ANGPT2: variants seen among roughly 807,000 people sequenced by gnomAD.
ANGPT2 encodes the protein angiopoietin 2.
Under a neutral mutation model 62.9 loss-of-function variants are expected in ANGPT2, and 28 were observed. The observed-to-expected ratio is 0.44, with a 90% CI of 0.33 to 0.61. The LOEUF is 0.61. Ranked by LOEUF, ANGPT2 falls within the 20% of genes least tolerant of loss-of-function variation. The probability of loss-of-function intolerance (pLI) is 0.03; values close to 1 mark genes in which losing one functional copy is unlikely to be tolerated. For missense variants in ANGPT2, 727 were observed against 594.9 expected, an observed-to-expected ratio of 1.22 and a Z score of -2.31; for synonymous variants, 284 against 207.8, an observed-to-expected ratio of 1.37 and a Z score of -3.15.
intron 3 of ANGPT2, among the ~76,000 whole-genome samples, chr8:6,521,660 G>T (rs1410218508): frequency 6.6e-6 from 1 of 152,108 alleles, no homozygotes; most frequent in South Asian, 2.1e-4. Flanking sequence ...ACAAGAAAAG[G>T]TACCCCATCT....
At chr8:6,550,626 T>G (rs984957941) in intron 1 of ANGPT2, among the ~76,000 whole-genome samples, 22 of 152,222 alleles carry the variant, frequency 1.4e-4, no homozygotes, top group South Asian at 4.1e-4. Context: ...TGGTGAAGTC[T>G]GTCGGCCCTC....
At chr8:6,505,175 AATAT>A (rs3045054) in intron 8 of ANGPT2, among the ~76,000 whole-genome samples, 2 of 95,784 alleles carry the variant, frequency 2.1e-5, no homozygotes, top group Non-Finnish European at 4.1e-5. Flanking sequence ...TATGCCAAAG[AATAT>A]ATATATATAT....
At chr8:6,527,462 A>G (rs1389594635) in intron 3 of ANGPT2, 93 bp downstream of exon 3, 7 of 1,477,808 alleles carry the variant, frequency 4.7e-6, no homozygotes, top group Non-Finnish European at 6.4e-6. Context: ...ACATGAAGAA[A>G]CTCACCATTC....
At chr8:6,509,781 A>G (rs2442635) in intron 7 of ANGPT2, among the ~76,000 whole-genome samples, 68,411 of 151,980 alleles carry the variant, frequency 0.45, 15,746 homozygotes, top group Middle Eastern at 0.53. Flanking sequence ...GCTTAGCTCT[A>G]GCCTTCCTTA....
chr8:6,506,447 T>A (rs774416900), intron 8 of ANGPT2, among the ~76,000 whole-genome samples: 1 of 152,288 alleles, frequency 6.6e-6, no homozygotes, highest in Non-Finnish European at 1.5e-5. Flanking sequence ...ATATATTGTT[T>A]CCTTGGTTAT....
chr8:6,514,810 G>A (rs200615678), intron 5 of ANGPT2, 32 bp from the exon 6 acceptor site: 1 of 1,590,086 alleles, frequency 6.3e-7, no homozygotes, highest in African/African-American at 1.3e-5. Flanking sequence ...ATAAGTGACA[G>A]AGCCCCCCCA....
chr8:6,515,003 TA>T (rs1015351335), intron 5 of ANGPT2, among the ~76,000 whole-genome samples: 20 of 152,156 alleles, frequency 1.3e-4, no homozygotes, highest in Admixed American at 5.9e-4. Context: ...TAATATAATA[TA>T]AAGTGTTGAT....
Position 6,532,505 on chromosome 8 carries a change from T to C in ANGPT2, c.289-18A>G. ...TTCTCAAGCTAGAAAAGAACAGTGT[T>C]AGAAGGCAGTCATTAGTCAAATGAC... On this transcript the variant is annotated intron_variant, in intron 1 of 8. Coordinates refer to ENST00000629816, the MANE Select transcript of ANGPT2 (RefSeq NM_001118887.2). The C allele has an allele frequency of 1.9e-6, 3 of 1,588,450 alleles. No homozygotes were observed. Among genetic ancestry groups the C allele is most frequent in the Admixed American group, 1.7e-5 (1 of 57,498 alleles).
intron 1 of ANGPT2, 49 bp downstream of exon 1, chr8:6,562,598 A>C (rs772177259): frequency 2.3e-6 from 2 of 853,428 alleles, no homozygotes; most frequent in Non-Finnish European, 1.5e-6. Flanking sequence ...GCTGCTGCCA[A>C]GCTGATCTTA....
intron 1 of ANGPT2, among the ~76,000 whole-genome samples, chr8:6,554,422 T>C (rs1253559766): frequency 6.6e-6 from 1 of 152,134 alleles, no homozygotes; most frequent in African/African-American, 2.4e-5. Flanking sequence ...AATGATTGCT[T>C]CTCTATGAGA....
At chr8:6,552,245 A>C (rs770690854) in intron 1 of ANGPT2, among the ~76,000 whole-genome samples, 2 of 152,236 alleles carry the variant, frequency 1.3e-5, no homozygotes, top group Non-Finnish European at 2.9e-5. Flanking sequence ...CAGAAGCAGC[A>C]TTGCTTACGA....
At chr8:6,556,025 C>A (rs554403432) in intron 1 of ANGPT2, among the ~76,000 whole-genome samples, 1 of 152,282 alleles carries the variant, frequency 6.6e-6, no homozygotes, top group African/African-American at 2.4e-5. Context: ...CTTGGTATCT[C>A]AGGCCTGATG....
intron 3 of ANGPT2, among the ~76,000 whole-genome samples, chr8:6,526,501 T>C (rs951678256): frequency 2.0e-5 from 3 of 151,990 alleles, no homozygotes; most frequent in East Asian, 1.9e-4. Context: ...TGGTCTCAAA[T>C]GTTCATTTAC....
intron 3 of ANGPT2, among the ~76,000 whole-genome samples, chr8:6,522,310 A>G (rs765116677): frequency 6.6e-6 from 1 of 152,002 alleles, no homozygotes; most frequent in Non-Finnish European, 1.5e-5. Context: ...AGCTGAGATC[A>G]TGCCACTGCA....
At chr8:6,547,623 C>T (rs1439462729) in intron 1 of ANGPT2, among the ~76,000 whole-genome samples, 1 of 152,108 alleles carries the variant, frequency 6.6e-6, no homozygotes, top group Non-Finnish European at 1.5e-5. Flanking sequence ...AGTAGAGGGG[C>T]ACATGTTCCT....
At chr8:6,520,229 A>G (rs964111015) in intron 4 of ANGPT2, among the ~76,000 whole-genome samples, 9 of 152,264 alleles carry the variant, frequency 5.9e-5, no homozygotes, top group African/African-American at 2.2e-4. Context: ...AATACTTCAA[A>G]TAATCCAAAC....
rs1011324106 is a variant in ANGPT2, at chr8:6,501,156, T to A, written c.*1945A>T. On this transcript the variant is annotated 3_prime_UTR_variant, in exon 9 of 9. Coordinates refer to ENST00000629816, the MANE Select transcript of ANGPT2 (RefSeq NM_001118887.2). ...TAAATAGTTGTTGGAAAAGTGCACC[T>A]TGGTGGAAATAAAACAGAGCCTTGA... 2.0e-5 allele frequency: 3 copies of A among 152,196 alleles called. No homozygotes were observed. The highest frequency in any genetic ancestry group is 7.2e-5 in the African/African-American group (3 of 41,458). 9.4% of individuals were successfully genotyped at this position (152,196 alleles called of 1,614,324 possible). A position where few individuals can be genotyped will look rare whatever the true frequency, so the allele number is the denominator to read the frequency against.
Position 6,513,790 on chromosome 8 carries a change from G to A in ANGPT2, c.1084C>T (p.Leu362=), listed in dbSNP as rs752142320. The change falls in exon 7 of 9, where the codon CTG becomes TTG. Residue 362 remains leucine (L), a synonymous_variant. Coordinates refer to ENST00000629816, the MANE Select transcript of ANGPT2 (RefSeq NM_001118887.2). ...YWLGNEFVSQ[L]TNQQRYVLKI... ...AGCACATAGCGTTGCTGATTAGTCAGTTGCGAAACAAACTCATTTCCCAGC... is the reference window on the plus strand; with the variant it reads ...AGCACATAGCGTTGCTGATTAGTCAATTGCGAAACAAACTCATTTCCCAGC... 3 of 1,613,882 alleles carry A rather than the reference G, an allele frequency of 1.9e-6. No individual in the cohort carries two copies. The African/African-American group carries it at 4.0e-5, about 22-fold the overall frequency.
intron 1 of ANGPT2, among the ~76,000 whole-genome samples, chr8:6,539,193 G>T (rs1409390336): frequency 2.6e-5 from 4 of 152,148 alleles, no homozygotes; most frequent in African/African-American, 4.8e-5. Flanking sequence ...GAGCCTGGGG[G>T]GTAGGCACAG....
Sources: allele counts gnomAD v4.1 joint callset (sites outside exome capture counted in the v4.1 genomes callset), GRCh38; gene constraint gnomAD v4.1.1; transcripts MANE v1.5; gene names NCBI Gene and HGNC (gene_info 2026-07-23, HGNC 2026-07-21).